KCNJ15: variants seen among roughly 807,000 people sequenced by gnomAD.
The protein encoded by KCNJ15 is ATP-sensitive inward rectifier potassium channel 15.
In KCNJ15, 14 loss-of-function variants were observed where a neutral mutation model predicts 23.0. The observed-to-expected ratio is 0.61, with a 90% CI of 0.40 to 0.95. The LOEUF is 0.95. Among genes scored for constraint, KCNJ15 ranks in the 40% least tolerant of loss-of-function variants. The probability of loss-of-function intolerance (pLI) is 0.00; values close to 1 mark genes in which losing one functional copy is unlikely to be tolerated. For missense variants in KCNJ15, 388 were observed against 461.8 expected, an observed-to-expected ratio of 0.84 and a Z score of 1.46; for synonymous variants, 185 against 183.2, an observed-to-expected ratio of 1.01 and a Z score of -0.08.
chr21:38,288,470 C>A (rs181620085), intron 1 of KCNJ15, among the ~76,000 whole-genome samples: 14 of 152,196 alleles, frequency 9.2e-5, no homozygotes, highest in African/African-American at 3.4e-4. Context: ...TACATCAGAG[C>A]CCATTAGTCA....
intron 1 of KCNJ15, among the ~76,000 whole-genome samples, chr21:38,263,427 C>G (rs1981132622): frequency 6.6e-6 from 1 of 152,222 alleles, no homozygotes; most frequent in Admixed American, 6.5e-5. Flanking sequence ...AAGGTCTGCA[C>G]TCAAATAGGT....
chr21:38,290,803 G>A (rs1195653573), intron 1 of KCNJ15, among the ~76,000 whole-genome samples: 4 of 152,086 alleles, frequency 2.6e-5, no homozygotes, highest in African/African-American at 4.8e-5. Flanking sequence ...GTGTGACCAC[G>A]AAGAGAGATA....
At chr21:38,268,147 A>G (rs147312261) in intron 1 of KCNJ15, among the ~76,000 whole-genome samples, 418 of 152,350 alleles carry the variant, frequency 2.7e-3, no homozygotes, top group African/African-American at 9.8e-3. Flanking sequence ...TGCTGCAATG[A>G]TTAAAGCAAG....
chr21:38,233,052 G>T (rs1157867382), intron 1 of KCNJ15, among the ~76,000 whole-genome samples: 5 of 151,930 alleles, frequency 3.3e-5, no homozygotes, highest in Non-Finnish European at 2.9e-5. Flanking sequence ...AGATTTTGTA[G>T]TCCCTAACTA....
upstream of KCNJ15, among the ~76,000 whole-genome samples, chr21:38,254,847 G>T (rs1396892691): frequency 6.6e-6 from 1 of 152,110 alleles, no homozygotes; most frequent in Non-Finnish European, 1.5e-5. Context: ...TGAAAAAAAG[G>T]TGTTCAAATG....
At chr21:38,255,329 C>T (rs983680106), upstream of KCNJ15, among the ~76,000 whole-genome samples, 1 of 152,228 alleles carries the variant, frequency 6.6e-6, no homozygotes, top group African/African-American at 2.4e-5. Flanking sequence ...TCCTTTAATT[C>T]TCAGTTTTCC....
intron 1 of KCNJ15, among the ~76,000 whole-genome samples, chr21:38,237,724 G>C (rs1339091183): frequency 6.6e-6 from 1 of 152,138 alleles, no homozygotes; most frequent in Non-Finnish European, 1.5e-5. Context: ...GAGGTACCTG[G>C]CTCACTTTTG....
At chr21:38,238,518 C>A in intron 1 of KCNJ15, 1 of 640,754 alleles carries the variant, frequency 1.6e-6, no homozygotes, top group Non-Finnish European at 3.0e-6. Context: ...GGGCACGGAC[C>A]ATCTCCGGCA....
In KCNJ15 at chr21:38,277,290, T is replaced by A. The variant is rs141133571; in HGVS notation, c.-116-19636T>A. 3.9e-5 allele frequency among the ~76,000 whole-genome samples: 6 copies of A among 152,274 alleles called. No individual in the cohort carries two copies. In the East Asian group the frequency reaches 5.8e-4, roughly 15 times the overall value. ...ACTTTGCCATGATTCTCAAGTTAAA[T>A]CCTTGGACCTCTTAAAGATGTTGTT... On this transcript the variant is annotated intron_variant, in intron 1 of 2. Transcript: ENST00000398938.
chr21:38,296,187 TAATA>T (rs1260311767), intron 1 of KCNJ15, among the ~76,000 whole-genome samples: 7 of 152,158 alleles, frequency 4.6e-5, no homozygotes, highest in African/African-American at 1.2e-4. Flanking sequence ...TTTAGACCGG[TAATA>T]AATAGATAGA....
At chr21:38,288,145 A>G (rs1282338981) in intron 1 of KCNJ15, among the ~76,000 whole-genome samples, 2 of 139,740 alleles carry the variant, frequency 1.4e-5, no homozygotes. Context: ...GGTTCACGCC[A>G]TTCTCCTGCC....
At chr21:38,298,473 G>C (rs370706716) in intron 2 of KCNJ15, among the ~76,000 whole-genome samples, 1 of 152,144 alleles carries the variant, frequency 6.6e-6, no homozygotes, top group Non-Finnish European at 1.5e-5. Flanking sequence ...TATTGATCAA[G>C]CCATTAATAA....
rs1391200658 is a variant in KCNJ15, at chr21:38,306,990, C to T, written c.*6601C>T. 1.3e-5 allele frequency: 2 copies of T among 152,212 alleles called. No homozygotes were observed. The highest frequency in any genetic ancestry group is 4.8e-5 in the African/African-American group (2 of 41,456). 9.4% of individuals were successfully genotyped at this position (152,212 alleles called of 1,614,324 possible). A position where few individuals can be genotyped will look rare whatever the true frequency, so the allele number is the denominator to read the frequency against. ...CTTAGGTCTCTTGCTATATATAGAACCACATCTGATCCTTATACAGTGTTG... is the reference window on the plus strand; with the variant it reads ...CTTAGGTCTCTTGCTATATATAGAATCACATCTGATCCTTATACAGTGTTG... On this transcript the variant is annotated 3_prime_UTR_variant, in exon 3 of 3. Transcript: ENST00000398938.
intron 1 of KCNJ15, among the ~76,000 whole-genome samples, chr21:38,261,019 G>A (rs111626786): frequency 7.6e-4 from 115 of 152,156 alleles, no homozygotes; most frequent in Middle Eastern, 3.4e-3. Context: ...CAGATAACAC[G>A]AATCCTCAGA....
chr21:38,298,125 C>T (rs1985355758), intron 2 of KCNJ15: 1 of 152,012 alleles, frequency 6.6e-6, no homozygotes, highest in Non-Finnish European at 1.5e-5. Context: ...CTGTAATCAC[C>T]CGCATTATCT....
chr21:38,276,100 T>G (rs1982659575), intron 1 of KCNJ15, among the ~76,000 whole-genome samples: 2 of 151,950 alleles, frequency 1.3e-5, no homozygotes, highest in Non-Finnish European at 1.5e-5. Flanking sequence ...ATGATAGAAG[T>G]GTCCATGGGA....
chr21:38,289,140 T>TGA (rs970449834), intron 1 of KCNJ15, among the ~76,000 whole-genome samples: 2 of 139,000 alleles, frequency 1.4e-5, no homozygotes, highest in Admixed American at 1.6e-4. Context: ...GAGGTTGCAG[T>TGA]GAGCTGAGAT....
At chr21:38,268,731 C>A (rs572256597) in intron 1 of KCNJ15, among the ~76,000 whole-genome samples, 2 of 152,170 alleles carry the variant, frequency 1.3e-5, no homozygotes, top group African/African-American at 4.8e-5. Context: ...TCCAGGTGTG[C>A]AGACTCCTGG....
upstream of KCNJ15, among the ~76,000 whole-genome samples, chr21:38,253,340 A>G (rs993913586): frequency 2.6e-5 from 4 of 152,212 alleles, no homozygotes; most frequent in African/African-American, 9.6e-5. Context: ...AAAGGCAAGT[A>G]GGTCCTCACC....
Sources: gnomAD v4.1 joint callset for allele counts (sites outside exome capture counted in the v4.1 genomes callset) on GRCh38, gnomAD v4.1.1 for gene constraint, MANE v1.5 for transcripts, NCBI Gene and HGNC (gene_info 2026-07-23, HGNC 2026-07-21) for gene names.